GAS2L2: variants seen among roughly 807,000 people sequenced by gnomAD.
GAS2L2 encodes the protein growth arrest specific 2 like 2.
A neutral mutation model predicts 35.2 loss-of-function variants in GAS2L2; 21 were observed. The observed-to-expected ratio is 0.60, with a 90% CI of 0.42 to 0.86. The LOEUF (loss-of-function observed/expected upper bound fraction) is 0.86, where lower values mean the gene tolerates loss of function less well. Ranked by LOEUF, GAS2L2 falls within the 40% of genes least tolerant of loss-of-function variation. GAS2L2 has a pLI of 0.00. For missense variants in GAS2L2, 1,169 were observed against 1,144.4 expected (o/e 1.02, Z -0.31); for synonymous variants, 490 against 473.2 (o/e 1.04, Z -0.46).
rs1555598826 is a variant in GAS2L2 at position 35,745,772 on chromosome 17, G to A, written c.1725C>T (p.Ser575=). The change falls in exon 6 of 6, where the codon TCC becomes TCT. Residue 575 remains serine, a synonymous_variant. Coordinates refer to ENST00000604641, the MANE Select transcript of GAS2L2 (RefSeq NM_139285.4). ...CCTGCTCCTGTAGGCCCAGGTCCCA[G>A]GACTCTCTGGCCTCTGCCATGACCT... is the stretch of plus-strand genomic sequence containing the variant. ...DIQVMAEARE[S]WDLGLQEQEG... The A allele has an allele frequency of 1.2e-6, 2 of 1,613,840 alleles. No individual in the cohort carries two copies. Among genetic ancestry groups the A allele is most frequent in the South Asian group, 1.1e-5 (1 of 91,090 alleles).
At chr17:35,747,976 G>T (rs896240400) in intron 3 of GAS2L2, 31 bp from the exon 4 acceptor site, 2 of 1,560,366 alleles carry the variant, frequency 1.3e-6, no homozygotes, top group Non-Finnish European at 1.8e-6. Flanking sequence ...TTAAGGGCGG[G>T]GTGGAGGGCA....
rs1555599547 is a variant in GAS2L2, at chr17:35,750,115, T to TG, written c.588dup (p.Arg197GlnfsTer34). ...TTGCGGAAGTGGCAGGGCTGGCGCC[T>TG]GGGGGGCGCTGGCGGCGAGGGGTCG... On this transcript the variant is annotated frameshift_variant, in exon 2 of 6. Transcript: ENST00000604641. LOFTEE classifies it high-confidence loss of function. 2 of 1,543,438 alleles carry TG rather than the reference T, an allele frequency of 1.3e-6. No individual in the cohort carries two copies. Among genetic ancestry groups the TG allele is most frequent in the Non-Finnish European group, 1.7e-6 (2 of 1,151,794 alleles).
chr17:35,752,601 G>T lies in GAS2L2; in HGVS notation c.250C>A (p.Pro84Thr). The change falls in exon 1 of 6, where the codon CCT becomes ACT. Residue 84 changes from proline (P) to threonine (T), a missense_variant. Transcript: ENST00000604641. Reference protein sequence around the residue: ...DAALAFLAEAPAQAQKIPMPR... With the variant: ...DAALAFLAEATAQAQKIPMPR... Reference sequence around the variant, plus strand: ...ATGGGAATCTTCTGGGCTTGGGCAGGTGCCTCAGCCAGGAAGGCCAGGGCA... The same window carrying T: ...ATGGGAATCTTCTGGGCTTGGGCAGTTGCCTCAGCCAGGAAGGCCAGGGCA... The T allele has an allele frequency of 6.2e-7, 1 of 1,613,756 alleles. No individual in the cohort carries two copies. The highest frequency in any genetic ancestry group is 8.5e-7 in the Non-Finnish European group (1 of 1,179,668).
chr17:35,747,499 T>C (rs187031811), intron 4 of GAS2L2, among the ~76,000 whole-genome samples: 2 of 152,262 alleles, frequency 1.3e-5, no homozygotes, highest in Admixed American at 1.3e-4. Context: ...TTAGAGCATG[T>C]GCTTATTTGG....
In GAS2L2 at chr17:35,752,592, C is replaced by A. The variant is rs2085710433; in HGVS notation, c.259G>T (p.Ala87Ser). ...ACCCGGGGCATGGGAATCTTCTGGGCTTGGGCAGGTGCCTCAGCCAGGAAG... is the reference window on the plus strand; with the variant it reads ...ACCCGGGGCATGGGAATCTTCTGGGATTGGGCAGGTGCCTCAGCCAGGAAG... The part of the protein sequence containing the change: ...LAFLAEAPAQ[A>S]QKIPMPRVGV... The change falls in exon 1 of 6, where the codon GCC becomes TCC. Residue 87 changes from alanine (A) to serine (S), a missense_variant. Ala to Ser is a moderately conservative substitution (Grantham distance 99). Coordinates refer to ENST00000604641, the MANE Select transcript of GAS2L2 (RefSeq NM_139285.4). 1.2e-6 allele frequency: 2 copies of A among 1,613,818 alleles called. No individual in the cohort carries two copies. Among genetic ancestry groups the A allele is most frequent in the African/African-American group, 2.7e-5 (2 of 74,952 alleles).
Position 35,745,629 on chromosome 17 carries a change from T to C in GAS2L2, c.1868A>G (p.Gln623Arg). Reference protein sequence around the residue: ...KLLEVRSACPQGTRSGVIPRS... With the variant: ...KLLEVRSACPRGTRSGVIPRS... Reference sequence around the variant, plus strand: ...AGGGATGACCCCAGACCTTGTGCCCTGCGGACAGGCACTCCTGACTTCTAG... The same window carrying C: ...AGGGATGACCCCAGACCTTGTGCCCCGCGGACAGGCACTCCTGACTTCTAG... Residue 623 changes from glutamine to arginine, a missense_variant, in exon 6 of 6, where the codon CAG (glutamine) becomes CGG (arginine). Coordinates refer to ENST00000604641, the MANE Select transcript of GAS2L2 (RefSeq NM_139285.4). 1 of 1,613,936 alleles carries C rather than the reference T, an allele frequency of 6.2e-7. No individual in the cohort carries two copies. Among genetic ancestry groups the C allele is most frequent in the Non-Finnish European group, 8.5e-7 (1 of 1,180,036 alleles).
chr17:35,752,827 C>T lies in GAS2L2; in HGVS notation c.24G>A (p.Arg8=). The change falls in exon 1 of 6, where the codon AGG becomes AGA. Residue 8 remains arginine (R), a synonymous_variant. Coordinates refer to ENST00000604641, the MANE Select transcript of GAS2L2 (RefSeq NM_139285.4). ...GCGGCCCTAGGGTCCTGGGCTTCCT[C>T]CTGCCTCCCGCAGGCTGGGACATGG... The part of the protein sequence containing the change: MSQPAGG[R]RKPRTLGPPV... The T allele has an allele frequency of 6.3e-7, 1 of 1,599,880 alleles. No homozygotes were observed.
chr17:35,744,832 CT>C lies in GAS2L2; in HGVS notation c.*21del. 6.5e-7 allele frequency: 1 copy of C among 1,533,444 alleles called. No individual in the cohort carries two copies. The highest frequency in any genetic ancestry group is 2.4e-5 in the East Asian group (1 of 41,444). 95.0% of individuals were successfully genotyped at this position (1,533,444 alleles called of 1,614,324 possible). ...CATGGCCATCCTTTTTGCTTCCCTC[CT>C]ACCCAACACGCTCATGTGCCTCAGA... On this transcript the variant is annotated 3_prime_UTR_variant, in exon 6 of 6. Transcript: ENST00000604641.
chr17:35,745,674 A>G lies in GAS2L2; in HGVS notation c.1823T>C (p.Ile608Thr). Reference sequence around the variant, plus strand: ...TTCTAGCAGCTTCATGTTGCCCAAAATCTCCTCTTCAAGGCTACAGTAGAT... The same window carrying G: ...TTCTAGCAGCTTCATGTTGCCCAAAGTCTCCTCTTCAAGGCTACAGTAGAT... ...QAIYCSLEEE[I>T]LGNMKLLEVR... is the part of the protein sequence containing the mutation. Residue 608 changes from isoleucine to threonine, a missense_variant, in exon 6 of 6, where the codon ATT becomes ACT. Physicochemically the swap from Ile to Thr is moderately conservative, Grantham distance 89. Coordinates refer to ENST00000604641, the MANE Select transcript of GAS2L2 (RefSeq NM_139285.4). 1 of 1,613,802 alleles carries G rather than the reference A, an allele frequency of 6.2e-7. No individual in the cohort carries two copies. Among genetic ancestry groups the G allele is most frequent in the Non-Finnish European group, 8.5e-7 (1 of 1,179,998 alleles).
At position 35,747,910 on chromosome 17, in the gene GAS2L2, G is replaced by T. The variant is rs142586247; in HGVS notation, c.771C>A (p.Gly257=). ...GGTAATGGCCCAGTGTGTCCCAGCC[G>T]CCCCCTACACGTACCATCACATGGT... ...LRNHVMVRVG[G]GWDTLGHYLD... is the part of the protein sequence containing the mutation. The change falls in exon 4 of 6, where the codon GGC becomes GGA. Residue 257 remains glycine, a synonymous_variant. Transcript: ENST00000604641. 3.1e-6 allele frequency: 5 copies of T among 1,613,688 alleles called. No individual in the cohort carries two copies. In the South Asian group the frequency reaches 3.3e-5, roughly 11 times the overall value.
chr17:35,745,120 A>G lies in GAS2L2; in HGVS notation c.2377T>C (p.Ser793Pro). Residue 793 changes from serine to proline, a missense_variant, in exon 6 of 6, where the codon TCA becomes CCA. By Grantham distance (74) the Ser-to-Pro change is moderately conservative. This residue lies in a region of GAS2L2 where 1,035 missense variants were observed against 976.5 expected (regional missense o/e 1.06). Coordinates refer to ENST00000604641, the MANE Select transcript of GAS2L2 (RefSeq NM_139285.4). ...TAGGCCAGTGGCCTGGGGATTCGTG[A>G]AGGCTGCTTCTCAGGCCTGTGGTCT... ...RRDHRPEKQPSRIPRPLAYVF... is the reference protein window; with the variant it reads ...RRDHRPEKQPPRIPRPLAYVF... 1 of 1,613,292 alleles carries G rather than the reference A, an allele frequency of 6.2e-7. No homozygotes were observed. Among genetic ancestry groups the G allele is most frequent in the Non-Finnish European group, 8.5e-7 (1 of 1,179,578 alleles).
chr17:35,751,551 C>G (rs1478532481), intron 1 of GAS2L2, among the ~76,000 whole-genome samples: 1 of 151,852 alleles, frequency 6.6e-6, no homozygotes, highest in Non-Finnish European at 1.5e-5. Context: ...GCCTGTAATC[C>G]CAGCTACTCA....
Position 35,746,400 on chromosome 17 carries a change from C to T in GAS2L2, c.1097G>A (p.Arg366Lys), listed in dbSNP as rs1244232119. The T allele has an allele frequency of 2.8e-5, 37 of 1,339,920 alleles. No homozygotes were observed. Among genetic ancestry groups the T allele is most frequent in the Non-Finnish European group, 3.5e-5 (36 of 1,036,670 alleles). The allele number at this position is 1,339,920 out of a possible 1,614,324, so 83.0% of individuals were successfully genotyped here. ...CTGCCTCCAAGATGGGATGAGAGAC[C>T]TCTCCTGGCACCTGAAAGGGAGAAT... ...EMAPFLRCQE[R>K]SLIPSWRQPT... is the part of the protein sequence containing the mutation. Residue 366 changes from arginine to lysine, a missense_variant, in exon 6 of 6, where the codon AGG (arginine) becomes AAG (lysine). Around this residue, in one of 3 missense-constraint regions of GAS2L2, gnomAD observed 1,035 missense variants for 976.5 expected, o/e 1.06. Transcript: ENST00000604641.
rs1555599616 is a variant in GAS2L2, at chr17:35,750,303, T to G, written c.401A>C (p.Glu134Ala). The change falls in exon 2 of 6, where the codon GAG (glutamate) becomes GCG (alanine). Residue 134 changes from glutamate (E) to alanine (A), a missense_variant. This residue lies in a region of GAS2L2 where 1,035 missense variants were observed against 976.5 expected (regional missense o/e 1.06). Transcript: ENST00000604641. ...EMGIQEVLMF[E>A]TEDLVLRKNV... ...CTTGCGCAGCACCAAGTCCTCCGTCTCGAACATCAGCACCTCTGGAGTGGA... is the reference window on the plus strand; with the variant it reads ...CTTGCGCAGCACCAAGTCCTCCGTCGCGAACATCAGCACCTCTGGAGTGGA... 1 of 1,613,838 alleles carries G rather than the reference T, an allele frequency of 6.2e-7. No homozygotes were observed. The highest frequency in any genetic ancestry group is 1.3e-5 in the African/African-American group (1 of 75,002).
Position 35,745,084 on chromosome 17 carries a change from C to G in GAS2L2, c.2413G>C (p.Gly805Arg). 3 of 1,613,722 alleles carry G rather than the reference C, an allele frequency of 1.9e-6. No individual in the cohort carries two copies. Among genetic ancestry groups the G allele is most frequent in the Non-Finnish European group, 2.5e-6 (3 of 1,179,858 alleles). The change falls in exon 6 of 6, where the codon GGT becomes CGT. Residue 805 changes from glycine to arginine, a missense_variant. By Grantham distance (125) the Gly-to-Arg change is moderately radical. Around this residue, in one of 3 missense-constraint regions of GAS2L2, gnomAD observed 1,035 missense variants for 976.5 expected, o/e 1.06. Transcript: ENST00000604641. ...TCCTTGGGGGGCTGCCTGGCTGGACCCAGGAAGACATAGGCCAGTGGCCTG... is the reference window on the plus strand; with the variant it reads ...TCCTTGGGGGGCTGCCTGGCTGGACGCAGGAAGACATAGGCCAGTGGCCTG... ...IPRPLAYVFLGPARQPPKDRL... is the reference protein window; with the variant it reads ...IPRPLAYVFLRPARQPPKDRL...
In GAS2L2 at chr17:35,746,137, C is replaced by A; in HGVS notation, c.1360G>T (p.Gly454Ter). The A allele has an allele frequency of 6.6e-7, 1 of 1,507,794 alleles. No individual in the cohort carries two copies. The highest frequency in any genetic ancestry group is 8.9e-7 in the Non-Finnish European group (1 of 1,128,104). 93.4% of individuals were successfully genotyped at this position (1,507,794 alleles called of 1,614,324 possible). A position where few individuals can be genotyped will look rare whatever the true frequency, so the allele number is the denominator to read the frequency against. ...EATTKGISAR[G>*]PSPLPRSFGP... ...AAGGAACGAGGCAGGGGAGATGGTC[C>A]TCTTGCTGATATCCCTTTGGTGGTG... The change falls in exon 6 of 6, where the codon GGA (glycine) becomes TGA (stop). Residue 454 changes from glycine to a stop codon, truncating the protein, a stop_gained. Transcript: ENST00000604641. LOFTEE classifies it low-confidence loss of function (END_TRUNC).
At chr17:35,750,504 G>A (rs1405312642) in intron 1 of GAS2L2, among the ~76,000 whole-genome samples, 186 bp from the exon 2 acceptor site, 2 of 152,164 alleles carry the variant, frequency 1.3e-5, no homozygotes, top group Non-Finnish European at 2.9e-5. Flanking sequence ...GGGTCTGGGC[G>A]GAATTGCTCA....
chr17:35,750,293 G>A lies in GAS2L2; in HGVS notation c.411C>T (p.Asp137=), dbSNP rs1168189998. ...TCTTCACGTTCTTGCGCAGCACCAA[G>A]TCCTCCGTCTCGAACATCAGCACCT... The part of the protein sequence containing the change: ...IQEVLMFETE[D]LVLRKNVKNV... The change falls in exon 2 of 6, where the codon GAC becomes GAT. Residue 137 remains aspartate (D), a synonymous_variant. Transcript: ENST00000604641. The A allele has an allele frequency of 6.2e-7, 1 of 1,613,772 alleles. No homozygotes were observed. Among genetic ancestry groups the A allele is most frequent in the African/African-American group, 1.3e-5 (1 of 74,914 alleles).
intron 3 of GAS2L2, among the ~76,000 whole-genome samples, chr17:35,748,224 G>A (rs781818873): frequency 6.6e-5 from 10 of 152,182 alleles, no homozygotes; most frequent in East Asian, 5.8e-4. Flanking sequence ...TGCTGTAAAC[G>A]GTTTTGCATC....
Sources: allele counts gnomAD v4.1 joint callset (sites outside exome capture counted in the v4.1 genomes callset), GRCh38; gene constraint gnomAD v4.1.1; regional missense constraint gnomAD v4.1.1; transcripts MANE v1.5; gene names NCBI Gene and HGNC (gene_info 2026-07-23, HGNC 2026-07-21).